CDH12: variants seen among roughly 807,000 people sequenced by gnomAD.
CDH12 encodes the protein cadherin-12.
CDH12 carries 41 observed loss-of-function variants against 74.1 expected under a neutral mutation model. The ratio of observed to expected loss-of-function variants is 0.55; its 90% CI spans 0.43 to 0.72. The LOEUF is 0.72. CDH12 is among the 30% of genes least tolerant of loss of function. The pLI is 0.00. For synonymous variants in CDH12, 399 were observed against 355.0 expected (o/e 1.12, Z -1.39); for missense variants, 945 against 977.2 (o/e 0.97, Z 0.44).
intron 8 of CDH12, among the ~76,000 whole-genome samples, chr5:21,837,782 AT>A (rs1157500477): frequency 4.6e-5 from 7 of 152,160 alleles, no homozygotes; most frequent in Non-Finnish European, 1.5e-5. Context: ...AACATGTAAA[AT>A]TTCAGGGAGA....
At position 22,012,646 on chromosome 5, in the gene CDH12, G is replaced by C. The variant is rs189788423; in HGVS notation, c.232-37261C>G. ...AAAGATGTTTTTTACCTTAATATAT[G>C]ATATTTACTTGGTTGAGTTATATAA... On this transcript the variant is annotated intron_variant, in intron 5 of 14. Transcript: ENST00000382254. Among the ~76,000 whole-genome samples the C allele has an allele frequency of 8.1e-3, 1,224 of 151,756 alleles. 18 individuals are homozygous for C. Among genetic ancestry groups the C allele is most frequent in the African/African-American group, 0.028 (1,176 of 41,398 alleles).
chr5:22,258,887 T>C (rs1753413145), intron 3 of CDH12, among the ~76,000 whole-genome samples: 1 of 152,152 alleles, frequency 6.6e-6, no homozygotes, highest in Non-Finnish European at 1.5e-5. Context: ...ACAGCAAGAA[T>C]ATCACCTAAT....
At chr5:22,118,037 T>C (rs1452348710) in intron 4 of CDH12, among the ~76,000 whole-genome samples, 1 of 152,148 alleles carries the variant, frequency 6.6e-6, no homozygotes, top group East Asian at 1.9e-4. Flanking sequence ...ACCTCAACTC[T>C]AGAACCATCC....
At chr5:21,765,560 GA>G (rs1463191606) in intron 11 of CDH12, among the ~76,000 whole-genome samples, 2 of 150,712 alleles carry the variant, frequency 1.3e-5, no homozygotes, top group African/African-American at 4.9e-5. Context: ...AAAAAAAGGG[GA>G]AAGAAGGCTC....
chr5:22,000,937 T>G (rs937554280), intron 5 of CDH12, among the ~76,000 whole-genome samples: 32 of 150,294 alleles, frequency 2.1e-4, no homozygotes, highest in Admixed American at 3.5e-4. Context: ...AAAGAAGTAA[T>G]CAGTGCTGTA....
chr5:22,404,511 G>T (rs1742857920), intron 3 of CDH12, among the ~76,000 whole-genome samples: 1 of 152,008 alleles, frequency 6.6e-6, no homozygotes, highest in Non-Finnish European at 1.5e-5. Flanking sequence ...CATCAAAGAA[G>T]GATATTAATG....
At chr5:21,984,960 G>A (rs1416669904) in intron 5 of CDH12, among the ~76,000 whole-genome samples, 2 of 151,994 alleles carry the variant, frequency 1.3e-5, no homozygotes, top group Middle Eastern at 3.4e-3. Flanking sequence ...CATTGTCACA[G>A]TTTCAGTTAA....
intron 3 of CDH12, among the ~76,000 whole-genome samples, chr5:22,280,022 A>T (rs1464206290): frequency 6.6e-6 from 1 of 152,134 alleles, no homozygotes; most frequent in African/African-American, 2.4e-5. Flanking sequence ...ATTTCTCCAC[A>T]TCCTCTCCAG....
intron 3 of CDH12, among the ~76,000 whole-genome samples, chr5:22,220,648 CT>C: frequency 6.6e-6 from 1 of 151,090 alleles, no homozygotes; most frequent in East Asian, 1.9e-4. Context: ...TGCTTTTCTG[CT>C]TTGTATATAT....
intron 3 of CDH12, among the ~76,000 whole-genome samples, chr5:22,235,272 T>C (rs1324429051): frequency 1.3e-5 from 2 of 152,086 alleles, no homozygotes; most frequent in African/African-American, 4.8e-5. Flanking sequence ...AACAGATTGA[T>C]AACATCAGTT....
At chr5:22,424,526 C>T (rs1743808446) in intron 2 of CDH12, among the ~76,000 whole-genome samples, 1 of 152,140 alleles carries the variant, frequency 6.6e-6, no homozygotes, top group African/African-American at 2.4e-5. Flanking sequence ...GCAACTGAGC[C>T]CACCGAACTT....
chr5:22,608,426 G>A (rs139394608), intron 1 of CDH12, among the ~76,000 whole-genome samples: 150 of 152,298 alleles, frequency 9.8e-4, no homozygotes, highest in Non-Finnish European at 1.5e-3. Flanking sequence ...CCTGTACCCT[G>A]TTGTATCTAG....
chr5:22,446,137 TTTG>T (rs2126551557), intron 2 of CDH12, among the ~76,000 whole-genome samples: 1 of 152,220 alleles, frequency 6.6e-6, no homozygotes, highest in African/African-American at 2.4e-5. Context: ...TCTCTCAGCC[TTTG>T]GATTACTTAA....
chr5:21,926,929 T>A (rs1323406959), intron 6 of CDH12, among the ~76,000 whole-genome samples: 1 of 152,166 alleles, frequency 6.6e-6, no homozygotes. Flanking sequence ...GGTGAAGGTT[T>A]GAGGAAACAG....
At chr5:22,697,432 C>T (rs1027495852) in intron 1 of CDH12, among the ~76,000 whole-genome samples, 25 of 151,834 alleles carry the variant, frequency 1.6e-4, no homozygotes, top group African/African-American at 6.0e-4. Context: ...ATTAGCCAGG[C>T]GTGGTGGCGG....
chr5:21,827,641 A>T (rs1748755681), intron 8 of CDH12, among the ~76,000 whole-genome samples: 1 of 152,160 alleles, frequency 6.6e-6, no homozygotes, highest in Non-Finnish European at 1.5e-5. Context: ...CCATTGTAAC[A>T]TTATTTTTTA....
At chr5:22,773,783 A>G (rs1420898613) in intron 1 of CDH12, among the ~76,000 whole-genome samples, 1 of 152,160 alleles carries the variant, frequency 6.6e-6, no homozygotes, top group African/African-American at 2.4e-5. Context: ...TAAGGAATGT[A>G]AACAGTTCAA....
At position 22,140,520 on chromosome 5, in the gene CDH12, A is replaced by ATG. The variant is rs369858575; in HGVS notation, c.-186-61660_-186-61659dup. 3.4e-3 allele frequency among the ~76,000 whole-genome samples: 507 copies of ATG among 151,086 alleles called. 2 individuals carry two copies. The highest frequency in any genetic ancestry group is 7.5e-3 in the African/African-American group (311 of 41,354). ...TGTTTTTTCACAACTGCCTCTGTGC[A>ATG]TGTGTGTGTGTGTGTGTATTTGTGG... On this transcript the variant is annotated intron_variant, in intron 4 of 14. Transcript: ENST00000382254.
chr5:22,776,028 A>G (rs1315928619), intron 1 of CDH12, among the ~76,000 whole-genome samples: 1 of 152,052 alleles, frequency 6.6e-6, no homozygotes, highest in Non-Finnish European at 1.5e-5. Flanking sequence ...CATGATTCTG[A>G]GGCCTCCCCA....
Sources: allele counts gnomAD v4.1 joint callset (sites outside exome capture counted in the v4.1 genomes callset), GRCh38; gene constraint gnomAD v4.1.1; transcripts MANE v1.5; gene names NCBI Gene and HGNC (gene_info 2026-07-23, HGNC 2026-07-21).